RABGAP1L: variants seen among roughly 807,000 people sequenced by gnomAD.
RABGAP1L encodes rab GTPase-activating protein 1-like.
Under a neutral mutation model 137.7 loss-of-function variants are expected in RABGAP1L, and 63 were observed. The ratio of observed to expected loss-of-function variants is 0.46; its 90% CI spans 0.37 to 0.56. The LOEUF (loss-of-function observed/expected upper bound fraction) is 0.56, where lower values mean the gene tolerates loss of function less well. RABGAP1L is among the 20% of genes least tolerant of loss of function. The pLI, the probability that RABGAP1L is intolerant of heterozygous loss-of-function variation, is 0.00. For missense variants in RABGAP1L, 1,095 were observed against 1,244.0 expected (o/e 0.88, Z 1.80); for synonymous variants, 431 against 433.7 (o/e 0.99, Z 0.08).
intron 12 of RABGAP1L, among the ~76,000 whole-genome samples, chr1:174,374,872 A>T (rs146852835): frequency 1.2e-3 from 188 of 152,284 alleles, no homozygotes; most frequent in South Asian, 2.3e-3. Flanking sequence ...TAGCCCTTAG[A>T]TTGAGAAAAT....
chr1:174,361,869 A>G (rs1401328871), intron 11 of RABGAP1L, among the ~76,000 whole-genome samples: 1 of 152,180 alleles, frequency 6.6e-6, no homozygotes, highest in Non-Finnish European at 1.5e-5. Context: ...TGTACAGATT[A>G]TTTAATCATC....
intron 13 of RABGAP1L, among the ~76,000 whole-genome samples, chr1:174,550,588 G>A (rs1666355991): frequency 2.6e-5 from 4 of 152,124 alleles, no homozygotes; most frequent in Admixed American, 2.0e-4. Flanking sequence ...GTCTGATGTG[G>A]CTGCTTTAGA....
intron 18 of RABGAP1L, among the ~76,000 whole-genome samples, chr1:174,765,962 C>T (rs138686948): frequency 3.3e-5 from 5 of 152,156 alleles, no homozygotes; most frequent in Middle Eastern, 3.4e-3. Flanking sequence ...ATGTTGAAGT[C>T]GTAACCCCTA....
intron 1 of RABGAP1L, among the ~76,000 whole-genome samples, chr1:174,200,021 A>G (rs1433374645): frequency 6.6e-6 from 1 of 152,272 alleles, no homozygotes; most frequent in Non-Finnish European, 1.5e-5. Context: ...TAAAGAAGTC[A>G]TATTCATTGT....
intron 11 of RABGAP1L, among the ~76,000 whole-genome samples, chr1:174,319,126 C>T (rs891399632): frequency 6.6e-5 from 10 of 151,842 alleles, no homozygotes; most frequent in Non-Finnish European, 1.3e-4. Flanking sequence ...AAATGTTTTT[C>T]TTACTAATTA....
At chr1:174,898,519 A>T (rs1239014655) in intron 19 of RABGAP1L, among the ~76,000 whole-genome samples, 1 of 152,244 alleles carries the variant, frequency 6.6e-6, no homozygotes, top group East Asian at 1.9e-4. Flanking sequence ...ATCTATAATT[A>T]GAGTTTCTTT....
At chr1:174,189,063 T>C (rs1667016955) in intron 1 of RABGAP1L, among the ~76,000 whole-genome samples, 2 of 152,176 alleles carry the variant, frequency 1.3e-5, no homozygotes, top group Non-Finnish European at 2.9e-5. Flanking sequence ...TGGAGAGCAG[T>C]GGTGTGATCT....
intron 15 of RABGAP1L, among the ~76,000 whole-genome samples, chr1:174,684,895 C>T (rs1678342798): frequency 6.6e-6 from 1 of 152,148 alleles, no homozygotes; most frequent in Non-Finnish European, 1.5e-5. Context: ...GTGGGAGGAC[C>T]ACTTGAGCCT....
rs528012180 is a variant in RABGAP1L, at chr1:174,720,400, G to A, written c.2169+18144G>A. Among the ~76,000 whole-genome samples, 89 of 151,384 alleles carry A rather than the reference G, an allele frequency of 5.9e-4. 1 individual carries two copies. The highest frequency in any genetic ancestry group is 1.4e-3 in the Admixed American group (22 of 15,200). On this transcript the variant is annotated intron_variant, in intron 17 of 25. Coordinates refer to ENST00000681986, the MANE Select transcript of RABGAP1L (RefSeq NM_001366446.1). ...CTCACTGCAACCTCTGCCTACCTCT[G>A]CCTCCAGAGCTCAAGCACTCCTCCC...
intron 1 of RABGAP1L, among the ~76,000 whole-genome samples, chr1:174,216,758 T>G (rs933912991): frequency 6.6e-6 from 1 of 152,166 alleles, no homozygotes; most frequent in Non-Finnish European, 1.5e-5. Flanking sequence ...TTTGCTTGTT[T>G]TGGAACTTGT....
At chr1:174,484,337 C>T (rs1430209302) in intron 13 of RABGAP1L, among the ~76,000 whole-genome samples, 3 of 151,862 alleles carry the variant, frequency 2.0e-5, no homozygotes. Context: ...CAGATATTTT[C>T]TCCCATTCTG....
intron 19 of RABGAP1L, among the ~76,000 whole-genome samples, chr1:174,860,841 C>T (rs190692703): frequency 6.6e-6 from 1 of 152,208 alleles, no homozygotes; most frequent in East Asian, 1.9e-4. Context: ...AGGTGTATAA[C>T]ATGATGCATA....
chr1:174,412,988 G>C (rs1650122133), intron 13 of RABGAP1L, among the ~76,000 whole-genome samples: 1 of 151,898 alleles, frequency 6.6e-6, no homozygotes, highest in Non-Finnish European at 1.5e-5. Flanking sequence ...CTCTATTCTT[G>C]TATCTGGATG....
intron 13 of RABGAP1L, among the ~76,000 whole-genome samples, chr1:174,539,566 GT>G (rs1665187890): frequency 6.6e-6 from 1 of 152,132 alleles, no homozygotes; most frequent in Non-Finnish European, 1.5e-5. Context: ...CCTTGTGATA[GT>G]TTGCTCAGAA....
chr1:174,889,339 G>C (rs1258071793), intron 19 of RABGAP1L, among the ~76,000 whole-genome samples: 4 of 151,904 alleles, frequency 2.6e-5, no homozygotes, highest in African/African-American at 9.7e-5. Context: ...GGGCAGGCTG[G>C]TCTCGAACTG....
chr1:174,164,821 C>A (rs78001752), intron 1 of RABGAP1L, among the ~76,000 whole-genome samples: 1 of 152,164 alleles, frequency 6.6e-6, no homozygotes. Context: ...ACAACAAATA[C>A]AACTAGTTTA....
At chr1:174,757,039 A>T (rs1684821238) in intron 18 of RABGAP1L, 1 of 591,006 alleles carries the variant, frequency 1.7e-6, no homozygotes, top group African/African-American at 1.9e-5. Context: ...CCATAACTTC[A>T]CCAATCCCGG....
rs1229253560 is a variant in RABGAP1L, at chr1:174,846,443, T to A, written c.2340+34483T>A. Among the ~76,000 whole-genome samples the A allele has an allele frequency of 2.0e-5, 3 of 150,508 alleles. No individual in the cohort carries two copies. The Admixed American group carries it at 2.0e-4, about 10-fold the overall frequency. On this transcript the variant is annotated intron_variant, in intron 19 of 25. Transcript: ENST00000681986. ...TATGTTGTGTCTTTGTTCTCGTTGGTTTCAAAGAACATCTTTATTTCTGCC... is the reference window on the plus strand; with the variant it reads ...TATGTTGTGTCTTTGTTCTCGTTGGATTCAAAGAACATCTTTATTTCTGCC...
At chr1:174,317,141 G>T (rs532980266) in intron 11 of RABGAP1L, among the ~76,000 whole-genome samples, 1 of 151,870 alleles carries the variant, frequency 6.6e-6, no homozygotes, top group South Asian at 2.1e-4. Context: ...CTACTTCCCT[G>T]TGGACATGCT....
Sources: allele counts gnomAD v4.1 joint callset (sites outside exome capture counted in the v4.1 genomes callset), GRCh38; gene constraint gnomAD v4.1.1; transcripts MANE v1.5; gene names NCBI Gene and HGNC (gene_info 2026-07-23, HGNC 2026-07-21).